The following RTN3 variants were observed in gnomAD, a reference collection of about 807,000 sequenced individuals.
RTN3 encodes the protein reticulon-3.
Under a neutral mutation model 77.8 loss-of-function variants are expected in RTN3, and 49 were observed. That is an observed-to-expected ratio of 0.63 (90% CI 0.50 to 0.80). The LOEUF is 0.80. Among genes scored for constraint, RTN3 ranks in the 30% least tolerant of loss-of-function variants. RTN3 has a pLI of 0.00. For missense variants in RTN3, 1,236 were observed against 1,211.9 expected, an observed-to-expected ratio of 1.02 and a Z score of -0.29; for synonymous variants, 464 against 446.9, an observed-to-expected ratio of 1.04 and a Z score of -0.48.
chr11:63,728,620 T>C (rs1263706930), intron 3 of RTN3, among the ~76,000 whole-genome samples: 1 of 152,048 alleles, frequency 6.6e-6, no homozygotes, highest in African/African-American at 2.4e-5. Context: ...CTGGGCGCGG[T>C]GGCTCACGCC....
intron 2 of RTN3, among the ~76,000 whole-genome samples, chr11:63,713,021 G>A (rs1018400417): frequency 6.6e-6 from 1 of 152,110 alleles, no homozygotes; most frequent in African/African-American, 2.4e-5. Flanking sequence ...CTTGAACCCA[G>A]GAGGCAGAGG....
chr11:63,724,426 G>C (rs1375109790), intron 3 of RTN3, among the ~76,000 whole-genome samples: 1 of 145,914 alleles, frequency 6.9e-6, no homozygotes, highest in African/African-American at 2.5e-5. Context: ...CTGGTGATCT[G>C]CCCACCTCGG....
chr11:63,696,960 C>T (rs1200413224), intron 1 of RTN3, among the ~76,000 whole-genome samples: 12 of 136,482 alleles, frequency 8.8e-5, no homozygotes, highest in African/African-American at 1.4e-4. Flanking sequence ...TCTTGGCTCA[C>T]GGCAAACTCC....
chr11:63,735,588 CTCTCTCTCTCTCTT>C (rs1349597320), intron 3 of RTN3, among the ~76,000 whole-genome samples: 24 of 149,202 alleles, frequency 1.6e-4, no homozygotes, highest in African/African-American at 5.8e-4. Context: ...CTCTCTCTCT[CTCTCTCTCTCTCTT>C]TCTTTCAACC....
chr11:63,758,102 G>T, intron 8 of RTN3, 54 bp from the exon 9 acceptor site: 1 of 1,266,388 alleles, frequency 7.9e-7, no homozygotes, highest in South Asian at 1.4e-5. Flanking sequence ...TAAAAACCTA[G>T]AGCAAATGCT....
At chr11:63,698,478 T>C (rs560056395) in intron 1 of RTN3, 1 of 152,472 alleles carries the variant, frequency 6.6e-6, no homozygotes, top group African/African-American at 2.4e-5. Flanking sequence ...TTAACCATTC[T>C]CTAAAGCATT....
chr11:63,748,352 CTTT>C (rs112993177), intron 3 of RTN3, among the ~76,000 whole-genome samples: 1 of 138,822 alleles, frequency 7.2e-6, no homozygotes, highest in Non-Finnish European at 1.6e-5. Flanking sequence ...GCCCCACTCA[CTTT>C]TTTTTTTTTT....
At chr11:63,737,429 G>A (rs2013200027) in intron 3 of RTN3, among the ~76,000 whole-genome samples, 1 of 152,084 alleles carries the variant, frequency 6.6e-6, no homozygotes, top group African/African-American at 2.4e-5. Context: ...GGCCAACATG[G>A]TGAAACCCCA....
intron 4 of RTN3, chr11:63,750,445 A>C (rs1590888463): frequency 6.6e-6 from 3 of 451,650 alleles, no homozygotes; most frequent in Non-Finnish European, 1.2e-5. Flanking sequence ...TTCAAAGAAG[A>C]CTCTAAATTC....
intron 3 of RTN3, among the ~76,000 whole-genome samples, chr11:63,746,076 G>A (rs574905214): frequency 6.6e-6 from 1 of 152,304 alleles, no homozygotes; most frequent in South Asian, 2.1e-4. Flanking sequence ...CTCCCAAAGT[G>A]CTGGGATTAC....
At chr11:63,708,653 A>G (rs1166778169) in intron 2 of RTN3, among the ~76,000 whole-genome samples, 2 of 152,232 alleles carry the variant, frequency 1.3e-5, no homozygotes, top group Non-Finnish European at 2.9e-5. Flanking sequence ...ATACAGCTAC[A>G]TAAGCTAGGA....
intron 2 of RTN3, among the ~76,000 whole-genome samples, chr11:63,709,603 A>T (rs924948326): frequency 1.3e-5 from 2 of 152,072 alleles, no homozygotes; most frequent in Admixed American, 6.5e-5. Context: ...AAAAAGAAAA[A>T]CATTTTTCTT....
At chr11:63,723,328 T>C (rs927559269) in intron 3 of RTN3, among the ~76,000 whole-genome samples, 20 of 151,978 alleles carry the variant, frequency 1.3e-4, no homozygotes, top group Non-Finnish European at 2.8e-4. Context: ...TCTTTAAAAA[T>C]ATAATCCATT....
rs536427565 is a variant in RTN3 at position 63,755,944 on chromosome 11, G to A, written c.2995-168G>A. Among the ~76,000 whole-genome samples, 28 of 151,250 alleles carry A rather than the reference G, an allele frequency of 1.9e-4. 1 individual carries two copies. Among genetic ancestry groups the A allele is most frequent in the Middle Eastern group, 3.4e-3 (1 of 292 alleles). On this transcript the variant is annotated intron_variant, in intron 7 of 8. Transcript: ENST00000377819. Reference sequence around the variant, plus strand: ...ACTGCACTCCACCCTGGGCGAGAGCGAGGCTCCGTCTCAAAAAAAAAAAAA... The same window carrying A: ...ACTGCACTCCACCCTGGGCGAGAGCAAGGCTCCGTCTCAAAAAAAAAAAAA...
At chr11:63,742,493 A>C (rs1468036781) in intron 3 of RTN3, among the ~76,000 whole-genome samples, 2 of 151,790 alleles carry the variant, frequency 1.3e-5, no homozygotes, top group Non-Finnish European at 2.9e-5. Flanking sequence ...TAAAAATACA[A>C]AATTAGCTGG....
At chr11:63,693,084 G>A (rs759089683) in intron 1 of RTN3, among the ~76,000 whole-genome samples, 15 of 152,124 alleles carry the variant, frequency 9.9e-5, no homozygotes, top group Non-Finnish European at 2.1e-4. Context: ...TTCCTTATTG[G>A]TTTTGTCCAG....
At chr11:63,752,423 C>G in intron 4 of RTN3, 84 bp from the exon 5 acceptor site, 1 of 1,375,680 alleles carries the variant, frequency 7.3e-7, no homozygotes, top group Non-Finnish European at 1.0e-6. Context: ...ACCCTGGGAA[C>G]CAATTTTACA....
intron 3 of RTN3, among the ~76,000 whole-genome samples, chr11:63,734,552 C>T (rs1309630079): frequency 6.6e-6 from 1 of 151,876 alleles, no homozygotes; most frequent in Non-Finnish European, 1.5e-5. Flanking sequence ...GCCTGGCCAA[C>T]ATGGTGAAAC....
chr11:63,732,521 A>G (rs1019478205), intron 3 of RTN3, among the ~76,000 whole-genome samples: 1 of 152,048 alleles, frequency 6.6e-6, no homozygotes, highest in African/African-American at 2.4e-5. Context: ...CAGATTACCA[A>G]TATCAAGCAT....
Sources: allele counts gnomAD v4.1 joint callset (sites outside exome capture counted in the v4.1 genomes callset), GRCh38; gene constraint gnomAD v4.1.1; transcripts MANE v1.5; gene names NCBI Gene and HGNC (gene_info 2026-07-23, HGNC 2026-07-21).